SCAPER: variants seen among roughly 807,000 people sequenced by gnomAD.
SCAPER encodes S-phase cyclin A associated protein in the ER, also known as S phase cyclin A-associated protein in the endoplasmic reticulum.
Under a neutral mutation model 182.2 loss-of-function variants are expected in SCAPER, and 98 were observed. The ratio of observed to expected loss-of-function variants is 0.54; its 90% confidence interval spans 0.46 to 0.64. The LOEUF (loss-of-function observed/expected upper bound fraction) is 0.64. Ranked by LOEUF, SCAPER falls within the 30% of genes least tolerant of loss-of-function variation. The pLI is 0.00. For missense variants in SCAPER, 1,432 were observed against 1,690.0 expected, an observed-to-expected ratio of 0.85 and a Z score of 2.68; for synonymous variants, 605 against 564.6, an observed-to-expected ratio of 1.07 and a Z score of -1.01.
intron 25 of SCAPER, among the ~76,000 whole-genome samples, chr15:76,468,940 G>C (rs2049909895): frequency 2.0e-5 from 3 of 152,072 alleles, no homozygotes. Flanking sequence ...TTTGAAACCT[G>C]GAAGAGGGCC....
chr15:76,550,584 C>T (rs2045679159), intron 23 of SCAPER, among the ~76,000 whole-genome samples: 1 of 152,104 alleles, frequency 6.6e-6, no homozygotes, highest in African/African-American at 2.4e-5. Context: ...TTTCTTTATC[C>T]AGTCTATCAT....
At chr15:76,545,087 G>T (rs775634561) in intron 23 of SCAPER, among the ~76,000 whole-genome samples, 4 of 152,092 alleles carry the variant, frequency 2.6e-5, no homozygotes, top group African/African-American at 4.8e-5. Flanking sequence ...TAGTACCCTA[G>T]AAACCTTCAA....
chr15:76,500,156 T>C (rs956695879), intron 24 of SCAPER, among the ~76,000 whole-genome samples: 1 of 152,194 alleles, frequency 6.6e-6, no homozygotes, highest in Non-Finnish European at 1.5e-5. Context: ...GAGTTAAGCC[T>C]GGATCTGACA....
At chr15:76,475,028 C>T (rs62028429) in intron 24 of SCAPER, among the ~76,000 whole-genome samples, 1 of 152,130 alleles carries the variant, frequency 6.6e-6, no homozygotes. Context: ...ACCAGCACCA[C>T]TTCATTTATT....
chr15:76,454,713 A>G (rs1158561063), intron 25 of SCAPER, among the ~76,000 whole-genome samples: 1 of 152,054 alleles, frequency 6.6e-6, no homozygotes, highest in Non-Finnish European at 1.5e-5. Context: ...TTTTGTTACC[A>G]AGGTTATAGT....
intron 21 of SCAPER, among the ~76,000 whole-genome samples, chr15:76,622,220 G>C (rs1207999399): frequency 6.6e-6 from 1 of 152,130 alleles, no homozygotes; most frequent in African/African-American, 2.4e-5. Context: ...GCTAGTCACT[G>C]ATCTAAGACA....
chr15:76,850,258 C>CT (rs2070598090), intron 4 of SCAPER, among the ~76,000 whole-genome samples: 1 of 152,152 alleles, frequency 6.6e-6, no homozygotes, highest in Non-Finnish European at 1.5e-5. Context: ...AGTTAAAGGA[C>CT]TTTTTTAGCA....
At chr15:76,607,483 C>CA (rs2050540720) in intron 22 of SCAPER, among the ~76,000 whole-genome samples, 1 of 152,100 alleles carries the variant, frequency 6.6e-6, no homozygotes, top group Non-Finnish European at 1.5e-5. Context: ...GTGAATCTGA[C>CA]AATTTTGTGT....
chr15:76,351,070 C>A, intron 31 of SCAPER, 167 bp downstream of exon 31: 1 of 536,004 alleles, frequency 1.9e-6, no homozygotes, highest in Non-Finnish European at 3.2e-6. Context: ...TGCTTCATGA[C>A]AAAATCGATT....
rs79393458 is a variant in SCAPER at position 76,754,317 on chromosome 15, G to C, written c.1726-369C>G. ...GCTATTATTCTTGTACTGTTACCATGAGTATGTTTAAAATGAATATAGTGT... is the reference window on the plus strand; with the variant it reads ...GCTATTATTCTTGTACTGTTACCATCAGTATGTTTAAAATGAATATAGTGT... On this transcript the variant is annotated intron_variant, in intron 14 of 31. Coordinates refer to ENST00000563290, the MANE Select transcript of SCAPER (RefSeq NM_020843.4). Among the ~76,000 whole-genome samples, 1,200 of 152,094 alleles carry C rather than the reference G, an allele frequency of 7.9e-3. 11 individuals carry two copies. Among genetic ancestry groups the C allele is most frequent in the African/African-American group, 0.027 (1,140 of 41,524 alleles).
chr15:76,633,221 T>G (rs1180532764), intron 21 of SCAPER, among the ~76,000 whole-genome samples: 1 of 152,164 alleles, frequency 6.6e-6, no homozygotes, highest in Non-Finnish European at 1.5e-5. Context: ...CCAGACGCTA[T>G]TTCCCTGGGT....
At chr15:76,709,914 G>C (rs142120655) in intron 17 of SCAPER, among the ~76,000 whole-genome samples, 40 of 152,314 alleles carry the variant, frequency 2.6e-4, no homozygotes, top group African/African-American at 8.4e-4. Flanking sequence ...AAAACCCACA[G>C]TCATCTTAAT....
chr15:76,778,770 G>A (rs189824625), intron 8 of SCAPER, among the ~76,000 whole-genome samples: 71 of 151,698 alleles, frequency 4.7e-4, no homozygotes, highest in Non-Finnish European at 9.1e-4. Context: ...GGTCAAGCAG[G>A]GAGCTCAGCT....
chr15:76,876,553 T>C (rs1002232016), intron 2 of SCAPER, among the ~76,000 whole-genome samples: 2 of 152,016 alleles, frequency 1.3e-5, no homozygotes, highest in African/African-American at 2.4e-5. Flanking sequence ...ATTTCAGGAA[T>C]ACTAAGCTGA....
chr15:76,576,797 T>TA (rs1450355013), intron 22 of SCAPER: 1 of 152,104 alleles, frequency 6.6e-6, no homozygotes, highest in African/African-American at 2.4e-5. Context: ...GCTAGCCTGT[T>TA]ACAGTGGAAA....
At chr15:76,417,653 G>T (rs918713715) in intron 26 of SCAPER, among the ~76,000 whole-genome samples, 6 of 152,198 alleles carry the variant, frequency 3.9e-5, no homozygotes, top group African/African-American at 1.4e-4. Flanking sequence ...TGTGGTCAGG[G>T]TCTGGTGGCC....
At chr15:76,512,675 C>G (rs2042134740) in intron 23 of SCAPER, among the ~76,000 whole-genome samples, 1 of 151,816 alleles carries the variant, frequency 6.6e-6, no homozygotes, top group Admixed American at 6.6e-5. Context: ...TCCAAAAAAC[C>G]CTCAAAGCCT....
At chr15:76,518,838 C>T (rs112750876) in intron 23 of SCAPER, among the ~76,000 whole-genome samples, 116 of 152,268 alleles carry the variant, frequency 7.6e-4, no homozygotes, top group African/African-American at 2.7e-3. Flanking sequence ...ACAAATAATA[C>T]CTTCTTATAT....
At chr15:76,728,184 G>C (rs1486235342) in intron 17 of SCAPER, among the ~76,000 whole-genome samples, 1 of 147,214 alleles carries the variant, frequency 6.8e-6, no homozygotes, top group Non-Finnish European at 1.5e-5. Flanking sequence ...ATCATAATCA[G>C]AGTGGCAACA....
Sources: gnomAD v4.1 joint callset for allele counts (sites outside exome capture counted in the v4.1 genomes callset) on GRCh38, gnomAD v4.1.1 for gene constraint, MANE v1.5 for transcripts, NCBI Gene and HGNC (gene_info 2026-07-23, HGNC 2026-07-21) for gene names.